The following PRICKLE2 variants were observed in gnomAD, a reference collection of about 807,000 sequenced individuals.
PRICKLE2 encodes prickle planar cell polarity protein 2.
In PRICKLE2, 21 loss-of-function variants were observed where a neutral mutation model predicts 81.4. The ratio of observed to expected loss-of-function variants is 0.26; its 90% CI spans 0.18 to 0.37. The LOEUF is 0.37. Ranked by LOEUF, PRICKLE2 falls within the 10% of genes least tolerant of loss-of-function variation. PRICKLE2 has a pLI of 1.00. For missense variants in PRICKLE2, 940 were observed against 1,109.0 expected (o/e 0.85, Z 2.16); for synonymous variants, 456 against 421.5 (o/e 1.08, Z -1.00).
At chr3:64,134,440 G>A (rs1377026844) in intron 7 of PRICKLE2, among the ~76,000 whole-genome samples, 1 of 152,196 alleles carries the variant, frequency 6.6e-6, no homozygotes, top group Admixed American at 6.5e-5. Flanking sequence ...TCTAGGCCAG[G>A]CTTTCTCAGT....
Position 64,218,008 on chromosome 3 carries a change from G to C in PRICKLE2, c.-41+6902C>G, listed in dbSNP as rs1039644736. On this transcript the variant is annotated intron_variant, in intron 1 of 7. Coordinates refer to ENST00000638394, the MANE Select transcript of PRICKLE2 (RefSeq NM_198859.4). ...ATGGCTGCCACAGCCTGAATCACAAGATATACTCAGTTGGGCTAACCCTGC... is the reference window on the plus strand; with the variant it reads ...ATGGCTGCCACAGCCTGAATCACAACATATACTCAGTTGGGCTAACCCTGC... Among the ~76,000 whole-genome samples the C allele has an allele frequency of 2.0e-5, 3 of 152,202 alleles. No homozygotes were observed. The South Asian group carries it at 6.2e-4, about 32-fold the overall frequency.
At chr3:64,134,907 T>C (rs1465343168) in intron 7 of PRICKLE2, among the ~76,000 whole-genome samples, 1 of 152,236 alleles carries the variant, frequency 6.6e-6, no homozygotes, top group Non-Finnish European at 1.5e-5. Context: ...ACTGGACTTT[T>C]CTGCCTTCTA....
chr3:64,186,769 T>G (rs1246126296), intron 2 of PRICKLE2, among the ~76,000 whole-genome samples: 1 of 152,198 alleles, frequency 6.6e-6, no homozygotes, highest in Non-Finnish European at 1.5e-5. Context: ...GGAAGTTAGT[T>G]ACTTGCTGAT....
chr3:64,234,171 T>C (rs991345134), intron 2 of PRICKLE2, among the ~76,000 whole-genome samples: 1 of 152,182 alleles, frequency 6.6e-6, no homozygotes, highest in Non-Finnish European at 1.5e-5. Flanking sequence ...TTATTTTCCT[T>C]GGATACATAT....
chr3:64,157,487 A>G (rs1442641809), intron 4 of PRICKLE2, 122 bp from the exon 5 acceptor site: 1 of 1,007,742 alleles, frequency 9.9e-7, no homozygotes, highest in African/African-American at 1.6e-5. Flanking sequence ...AGCAGTCACT[A>G]TGCTTCCTGC....
intron 2 of PRICKLE2, among the ~76,000 whole-genome samples, chr3:64,183,872 T>C (rs2078175842): frequency 6.6e-6 from 1 of 152,240 alleles, no homozygotes; most frequent in African/African-American, 2.4e-5. Flanking sequence ...TTTCTGTGTA[T>C]CTTCCCAGTC....
chr3:64,205,694 C>T (rs1319806083), intron 1 of PRICKLE2, among the ~76,000 whole-genome samples: 1 of 152,292 alleles, frequency 6.6e-6, no homozygotes, highest in East Asian at 1.9e-4. Flanking sequence ...GGATTGCAAA[C>T]ATCATTAAGC....
At chr3:64,122,574 G>C (rs1041919212) in intron 7 of PRICKLE2, among the ~76,000 whole-genome samples, 1 of 152,164 alleles carries the variant, frequency 6.6e-6, no homozygotes, top group Non-Finnish European at 1.5e-5. Flanking sequence ...CCCAGCACTG[G>C]CTGCCCTCAC....
intron 2 of PRICKLE2, among the ~76,000 whole-genome samples, chr3:64,249,387 T>C (rs2079409532): frequency 6.6e-6 from 1 of 152,150 alleles, no homozygotes; most frequent in Admixed American, 6.5e-5. Context: ...CATGGGGGGA[T>C]TACAATTCGA....
At chr3:64,168,908 A>G (rs759825802) in intron 2 of PRICKLE2, among the ~76,000 whole-genome samples, 4 of 152,178 alleles carry the variant, frequency 2.6e-5, no homozygotes, top group Non-Finnish European at 4.4e-5. Flanking sequence ...TAAGTGAAAA[A>G]TCTCCAAATT....
At chr3:64,100,237 T>G (rs2106936672) in intron 7 of PRICKLE2, 1 of 377,494 alleles carries the variant, frequency 2.6e-6, no homozygotes, top group Non-Finnish European at 4.8e-6. Context: ...CTTCCTCTAT[T>G]TGGAGTTTCA....
chr3:64,217,954 T>G (rs1224269739), intron 1 of PRICKLE2, among the ~76,000 whole-genome samples: 4 of 152,190 alleles, frequency 2.6e-5, no homozygotes, highest in Non-Finnish European at 5.9e-5. Flanking sequence ...ATAGGATCAC[T>G]GGGATTCATT....
intron 2 of PRICKLE2, among the ~76,000 whole-genome samples, chr3:64,247,827 T>G (rs221990): frequency 6.6e-6 from 1 of 152,146 alleles, no homozygotes; most frequent in Non-Finnish European, 1.5e-5. Flanking sequence ...AGTTATAGCA[T>G]GGAATTTCAT....
At chr3:64,157,885 T>C (rs1056483863) in intron 4 of PRICKLE2, among the ~76,000 whole-genome samples, 7 of 152,244 alleles carry the variant, frequency 4.6e-5, no homozygotes, top group Non-Finnish European at 8.8e-5. Context: ...CTTTCAGGCA[T>C]GCTTTTAGTC....
chr3:64,267,654 T>C (rs76283076), intron 2 of PRICKLE2, among the ~76,000 whole-genome samples: 3,226 of 151,968 alleles, frequency 0.021, 126 homozygotes, highest in African/African-American at 0.074. Context: ...CGCCTCGTGA[T>C]ATTATGATTA....
At chr3:64,152,356 G>T (rs1336059439) in intron 6 of PRICKLE2, among the ~76,000 whole-genome samples, 1 of 152,152 alleles carries the variant, frequency 6.6e-6, no homozygotes, top group Non-Finnish European at 1.5e-5. Flanking sequence ...TTCCCAAGGT[G>T]CCAGAAAAGG....
rs1417162390 is a variant in PRICKLE2, at chr3:64,095,433, G to A, written c.*3618C>T. ...TTATCAGACCAATAAGATCAGTTCT[G>A]ATCAACTGGTCCTGGCTGGTTGGAG... On this transcript the variant is annotated 3_prime_UTR_variant, in exon 8 of 8. Coordinates refer to ENST00000638394, the MANE Select transcript of PRICKLE2 (RefSeq NM_198859.4). 1 of 152,250 alleles carries A rather than the reference G, an allele frequency of 6.6e-6. No individual in the cohort carries two copies. The highest frequency in any genetic ancestry group is 1.9e-4 in the East Asian group (1 of 5,200). 9.4% of individuals were successfully genotyped at this position (152,250 alleles called of 1,614,324 possible).
upstream of PRICKLE2, among the ~76,000 whole-genome samples, chr3:64,226,801 G>A (rs2079037915): frequency 1.3e-5 from 2 of 152,204 alleles, no homozygotes; most frequent in Non-Finnish European, 1.5e-5. Flanking sequence ...CAGGAGAGAG[G>A]CAAGAGCCAG....
chr3:64,161,158 T>G (rs986663746), intron 3 of PRICKLE2, among the ~76,000 whole-genome samples: 6 of 152,156 alleles, frequency 3.9e-5, no homozygotes, highest in African/African-American at 1.4e-4. Context: ...AAATTGAAAT[T>G]TCCTCCTTGA....
Sources: allele counts gnomAD v4.1 joint callset (sites outside exome capture counted in the v4.1 genomes callset), GRCh38; gene constraint gnomAD v4.1.1; transcripts MANE v1.5; gene names NCBI Gene and HGNC (gene_info 2026-07-23, HGNC 2026-07-21).